The following SCUBE1 variants were observed in gnomAD, a reference collection of about 807,000 sequenced individuals.
SCUBE1 encodes the protein signal peptide, CUB domain and EGF like domain containing 1.
SCUBE1 carries 59 observed loss-of-function variants against 124.4 expected under a neutral mutation model. The ratio of observed to expected loss-of-function variants is 0.47; its 90% CI spans 0.38 to 0.59. The LOEUF (loss-of-function observed/expected upper bound fraction) is 0.59. Among genes scored for constraint, SCUBE1 ranks in the 20% least tolerant of loss-of-function variants. The pLI is 0.00. For missense variants in SCUBE1, 1,150 were observed against 1,371.2 expected (o/e 0.84, Z 2.55); for synonymous variants, 545 against 550.9 (o/e 0.99, Z 0.15).
intron 4 of SCUBE1, among the ~76,000 whole-genome samples, chr22:43,264,764 G>A (rs537848045): frequency 2.0e-5 from 3 of 152,298 alleles, no homozygotes; most frequent in East Asian, 1.9e-4. Flanking sequence ...GGCAGCCCCC[G>A]AGGGTGCTCC....
intron 4 of SCUBE1, among the ~76,000 whole-genome samples, chr22:43,265,956 C>T (rs1924047101): frequency 6.6e-6 from 1 of 151,616 alleles, no homozygotes; most frequent in Non-Finnish European, 1.5e-5. Context: ...CAAACATTAG[C>T]CAGGTGTAGT....
At chr22:43,245,613 T>A (rs571768271) in intron 6 of SCUBE1, among the ~76,000 whole-genome samples, 2 of 152,138 alleles carry the variant, frequency 1.3e-5, no homozygotes, top group African/African-American at 2.4e-5. Flanking sequence ...CCAACGCCCA[T>A]GATCCCCAAG....
chr22:43,343,012 G>A (rs1927380233), intron 1 of SCUBE1, among the ~76,000 whole-genome samples, 162 bp downstream of exon 1: 2 of 151,296 alleles, frequency 1.3e-5, no homozygotes, highest in African/African-American at 4.8e-5. Context: ...TGCGGGGAGG[G>A]GGCGCCCCGG....
chr22:43,334,364 C>A (rs1038921557), intron 2 of SCUBE1, among the ~76,000 whole-genome samples: 1 of 152,158 alleles, frequency 6.6e-6, no homozygotes, highest in African/African-American at 2.4e-5. Context: ...TAAGTATATG[C>A]ATATGGTTTA....
rs12166879 is a variant in SCUBE1 at position 43,211,498 on chromosome 22, G to C, written c.2222-415C>G. On this transcript the variant is annotated intron_variant, in intron 17 of 21. Transcript: ENST00000360835. This position sits in a 1 kb window ranked among gnomAD's most constrained non-coding sequence, Gnocchi z 4.5. Reference sequence around the variant, plus strand: ...GCCGGAGTCTGAGGGGTGCCGGGGCGGGGGGCTAGAGATGGGCAATTCTTT... The same window carrying C: ...GCCGGAGTCTGAGGGGTGCCGGGGCCGGGGGCTAGAGATGGGCAATTCTTT... 5.9e-5 allele frequency among the ~76,000 whole-genome samples: 9 copies of C among 151,416 alleles called. No individual in the cohort carries two copies. The highest frequency in any genetic ancestry group is 1.9e-4 in the East Asian group (1 of 5,164).
At position 43,210,533 on chromosome 22, in the gene SCUBE1, G is replaced by A. The variant is rs187363532; in HGVS notation, c.2384-293C>T. ...GCCCACCCTATTTCTCTGTGGCTGGGCCTTGTCAGGGGCACTGAGAGGGCC... is the reference window on the plus strand; with the variant it reads ...GCCCACCCTATTTCTCTGTGGCTGGACCTTGTCAGGGGCACTGAGAGGGCC... On this transcript the variant is annotated intron_variant, in intron 18 of 21. Transcript: ENST00000360835. The surrounding 1 kb of genome is among the most constrained non-coding windows in gnomAD (Gnocchi z 4.5). Among the ~76,000 whole-genome samples the A allele has an allele frequency of 6.6e-6, 1 of 152,322 alleles. No homozygotes were observed. The highest frequency in any genetic ancestry group is 6.5e-5 in the Admixed American group (1 of 15,310).
Position 43,320,006 on chromosome 22 carries a change from T to G in SCUBE1, c.280A>C (p.Ile94Leu). The change falls in exon 3 of 22, where the codon ATC becomes CTC. Residue 94 changes from isoleucine (I) to leucine (L), a missense_variant. Physicochemically the swap from Ile to Leu is conservative, Grantham distance 5. This residue lies in a region of SCUBE1 where 337 missense variants were observed against 482.1 expected (regional missense o/e 0.70). Coordinates refer to ENST00000360835, the MANE Select transcript of SCUBE1 (RefSeq NM_173050.5). ...NGGCVHECIN[I>L]PGNYRCTCFD... is the part of the protein sequence containing the mutation. Reference sequence around the variant, plus strand: ...CAGGTACACCTGTAGTTCCCCGGGATGTTGATGCACTCGTGGACACAGCCC... The same window carrying G: ...CAGGTACACCTGTAGTTCCCCGGGAGGTTGATGCACTCGTGGACACAGCCC... The G allele has an allele frequency of 6.2e-7, 1 of 1,614,124 alleles. No homozygotes were observed. Among genetic ancestry groups the G allele is most frequent in the Non-Finnish European group, 8.5e-7 (1 of 1,180,016 alleles).
intron 4 of SCUBE1, among the ~76,000 whole-genome samples, chr22:43,266,164 CAG>C (rs985885260): frequency 6.6e-6 from 1 of 152,058 alleles, no homozygotes; most frequent in African/African-American, 2.4e-5. Flanking sequence ...CTATATTTTC[CAG>C]AACAAGGAGG....
At chr22:43,296,855 T>C (rs1317477709) in intron 3 of SCUBE1, among the ~76,000 whole-genome samples, 3 of 152,188 alleles carry the variant, frequency 2.0e-5, no homozygotes, top group Non-Finnish European at 4.4e-5. Flanking sequence ...CAGGTGGGGC[T>C]GGGAGACCCC....
intron 4 of SCUBE1, among the ~76,000 whole-genome samples, chr22:43,281,532 TCCCTCAGTCACCCTCCTGTCACCTCC>T (rs1351527663): frequency 1.7e-4 from 9 of 53,902 alleles, no homozygotes; most frequent in African/African-American, 4.4e-4. Context: ...TCCTGTCACC[TCCCTCAGTCACCCTCCTGTCACCTCC>T]CCCTCAGCCA....
rs1002800815 is a variant in SCUBE1 at position 43,202,297 on chromosome 22, G to C, written c.*1700C>G. ...TCAGTGTGCCACAGCCTCTCAAACCGTGTTTGTTTCTCGCCAGCCAGGCTG... is the reference window on the plus strand; with the variant it reads ...TCAGTGTGCCACAGCCTCTCAAACCCTGTTTGTTTCTCGCCAGCCAGGCTG... On this transcript the variant is annotated 3_prime_UTR_variant, in exon 22 of 22. Transcript: ENST00000360835. 2 of 152,200 alleles carry C rather than the reference G, an allele frequency of 1.3e-5. No homozygotes were observed. Among genetic ancestry groups the C allele is most frequent in the African/African-American group, 4.8e-5 (2 of 41,436 alleles). 9.4% of individuals were successfully genotyped at this position (152,200 alleles called of 1,614,324 possible).
rs1456999092 is a variant in SCUBE1, at chr22:43,214,703, G to C, written c.1892-452C>G. On this transcript the variant is annotated intron_variant, in intron 15 of 21. Coordinates refer to ENST00000360835, the MANE Select transcript of SCUBE1 (RefSeq NM_173050.5). ...GTGGGGAGGGACTGGGGCTCAAATA[G>C]GCAAGGGCAGGAGGGCCTGGCGGGC... is the stretch of plus-strand genomic sequence containing the variant. 2.0e-5 allele frequency among the ~76,000 whole-genome samples: 3 copies of C among 152,332 alleles called. No homozygotes were observed. The East Asian group carries it at 5.8e-4, about 29-fold the overall frequency.
At chr22:43,250,968 CTTTG>C (rs1480202559) in intron 6 of SCUBE1, among the ~76,000 whole-genome samples, 3 of 152,238 alleles carry the variant, frequency 2.0e-5, no homozygotes, top group Non-Finnish European at 4.4e-5. Context: ...TTGGCCCAGG[CTTTG>C]CTCACTGGCT....
intron 1 of SCUBE1, among the ~76,000 whole-genome samples, chr22:43,339,682 TC>T (rs201912035): frequency 0.016 from 664 of 41,806 alleles, 12 homozygotes; most frequent in Middle Eastern, 0.042. Context: ...CCTCACTCTA[TC>T]CCCCCACAAG....
intron 2 of SCUBE1, among the ~76,000 whole-genome samples, chr22:43,331,168 T>C (rs1480024521): frequency 6.6e-6 from 1 of 152,232 alleles, no homozygotes; most frequent in African/African-American, 2.4e-5. Flanking sequence ...TGTTAAAACA[T>C]TTTAATAACA....
At chr22:43,313,409 AG>A (rs1926237396) in intron 3 of SCUBE1, among the ~76,000 whole-genome samples, 1 of 152,236 alleles carries the variant, frequency 6.6e-6, no homozygotes, top group Non-Finnish European at 1.5e-5. Context: ...CATCTGGCTA[AG>A]TGAACTAATG....
At chr22:43,263,575 A>G (rs1167922690) in intron 4 of SCUBE1, among the ~76,000 whole-genome samples, 2 of 152,200 alleles carry the variant, frequency 1.3e-5, no homozygotes, top group Non-Finnish European at 2.9e-5. Context: ...CCCCCGGGAC[A>G]CACCGGCCTC....
At chr22:43,240,963 G>A (rs768791259) in intron 6 of SCUBE1, among the ~76,000 whole-genome samples, 2 of 152,208 alleles carry the variant, frequency 1.3e-5, no homozygotes, top group Non-Finnish European at 2.9e-5. Context: ...GGTGCAGAGG[G>A]TGGGGGAGAC....
chr22:43,262,879 G>A (rs374964853), intron 4 of SCUBE1, 34 bp from the exon 5 acceptor site: 9 of 1,595,766 alleles, frequency 5.6e-6, no homozygotes, highest in African/African-American at 5.4e-5. Context: ...ACGGGTTGAA[G>A]ACCAGGCAGA....
Sources: allele counts gnomAD v4.1 joint callset (sites outside exome capture counted in the v4.1 genomes callset), GRCh38; gene constraint gnomAD v4.1.1; regional missense constraint gnomAD v4.1.1; non-coding constraint Gnocchi (gnomAD v3.1); transcripts MANE v1.5; gene names NCBI Gene and HGNC (gene_info 2026-07-23, HGNC 2026-07-21).